Variants in CCSER1 observed in about 807,000 individuals in gnomAD.
CCSER1 encodes serine-rich coiled-coil domain-containing protein 1.
A neutral mutation model predicts 82.0 loss-of-function variants in CCSER1; 41 were observed. The ratio of observed to expected loss-of-function variants is 0.50; its 90% confidence interval spans 0.39 to 0.65. The LOEUF is 0.65. Among genes scored for constraint, CCSER1 ranks in the 30% least tolerant of loss-of-function variants. The pLI is 0.00. For missense variants in CCSER1, 1,119 were observed against 1,064.2 expected, an observed-to-expected ratio of 1.05 and a Z score of -0.72; for synonymous variants, 414 against 383.9, an observed-to-expected ratio of 1.08 and a Z score of -0.92.
At chr4:91,125,094 C>T (rs1226556773) in intron 10 of CCSER1, among the ~76,000 whole-genome samples, 1 of 151,618 alleles carries the variant, frequency 6.6e-6, no homozygotes, top group Non-Finnish European at 1.5e-5. Context: ...AAAACTATTA[C>T]ATGGGATTAA....
chr4:90,260,196 GT>G (rs1239198466), intron 1 of CCSER1, among the ~76,000 whole-genome samples: 2 of 152,112 alleles, frequency 1.3e-5, no homozygotes, highest in African/African-American at 4.8e-5. Flanking sequence ...ATCTAAGAGG[GT>G]TGTATATTTC....
At chr4:91,304,342 G>C (rs1004803927) in intron 10 of CCSER1, among the ~76,000 whole-genome samples, 1 of 151,928 alleles carries the variant, frequency 6.6e-6, no homozygotes, top group Non-Finnish European at 1.5e-5. Context: ...GTAAATATTA[G>C]GTTTAATAAG....
intron 9 of CCSER1, among the ~76,000 whole-genome samples, chr4:91,084,447 A>C (rs1723152696): frequency 6.6e-6 from 1 of 152,150 alleles, no homozygotes; most frequent in South Asian, 2.1e-4. Flanking sequence ...GATGAAATTG[A>C]GAGATATTAT....
intron 1 of CCSER1, among the ~76,000 whole-genome samples, chr4:90,182,026 A>G (rs1288765516): frequency 1.3e-5 from 2 of 152,192 alleles, no homozygotes; most frequent in African/African-American, 4.8e-5. Context: ...GGCTGTGGGC[A>G]CAGTTAATTT....
chr4:90,181,630 A>T (rs1733747118), intron 1 of CCSER1, among the ~76,000 whole-genome samples: 1 of 152,180 alleles, frequency 6.6e-6, no homozygotes, highest in South Asian at 2.1e-4. Flanking sequence ...CCATGGTTCC[A>T]AGAGGCTCCT....
chr4:90,960,142 G>C lies in CCSER1; in HGVS notation c.2172+36695G>C, dbSNP rs78373917. On this transcript the variant is annotated intron_variant, in intron 9 of 10. Coordinates refer to ENST00000509176, the MANE Select transcript of CCSER1 (RefSeq NM_001145065.2). ...GATACCTGAAATCGTCTTTCACAGAGATAGCCTGTTCACATTGTTTTCATT... is the reference window on the plus strand; with the variant it reads ...GATACCTGAAATCGTCTTTCACAGACATAGCCTGTTCACATTGTTTTCATT... Among the ~76,000 whole-genome samples, 1,320 of 152,158 alleles carry C rather than the reference G, an allele frequency of 8.7e-3. 10 individuals carry two copies. The highest frequency in any genetic ancestry group is 0.03 in the African/African-American group (1,232 of 41,504).
At chr4:91,419,066 G>A (rs1188822552) in intron 10 of CCSER1, among the ~76,000 whole-genome samples, 1 of 151,778 alleles carries the variant, frequency 6.6e-6, no homozygotes, top group Non-Finnish European at 1.5e-5. Context: ...AACAAATTAG[G>A]TATAAAACAA....
chr4:91,256,322 T>C (rs1740679801), intron 10 of CCSER1, among the ~76,000 whole-genome samples: 1 of 152,206 alleles, frequency 6.6e-6, no homozygotes, highest in Non-Finnish European at 1.5e-5. Context: ...TGTTTATCAA[T>C]GACAATGCAT....
chr4:90,465,565 A>T (rs940734131), intron 4 of CCSER1, among the ~76,000 whole-genome samples: 3 of 151,828 alleles, frequency 2.0e-5, no homozygotes, highest in South Asian at 2.1e-4. Context: ...TCATTGGCAA[A>T]TTTTTTCCTT....
intron 8 of CCSER1, among the ~76,000 whole-genome samples, chr4:90,843,980 T>C (rs1488008930): frequency 2.0e-5 from 3 of 152,084 alleles, no homozygotes; most frequent in Admixed American, 6.6e-5. Flanking sequence ...ACTCAGCCAA[T>C]CTTTCAAGAT....
At chr4:91,512,645 C>T (rs1759889765) in intron 10 of CCSER1, among the ~76,000 whole-genome samples, 1 of 152,092 alleles carries the variant, frequency 6.6e-6, no homozygotes, top group Non-Finnish European at 1.5e-5. Context: ...TAGTTCTGTC[C>T]CTCTAGGGAA....
chr4:91,476,229 G>T (rs1286359027), intron 10 of CCSER1, among the ~76,000 whole-genome samples: 2 of 151,616 alleles, frequency 1.3e-5, no homozygotes, highest in Admixed American at 1.3e-4. Flanking sequence ...GTTTTCCATA[G>T]TTGCCATGCT....
chr4:90,497,515 A>T (rs1769218195), intron 5 of CCSER1, among the ~76,000 whole-genome samples: 1 of 152,202 alleles, frequency 6.6e-6, no homozygotes, highest in Non-Finnish European at 1.5e-5. Context: ...TAGCTACAGA[A>T]TTTTTATAGT....
At chr4:90,603,877 T>C (rs1304251731) in intron 5 of CCSER1, among the ~76,000 whole-genome samples, 1 of 152,152 alleles carries the variant, frequency 6.6e-6, no homozygotes, top group Non-Finnish European at 1.5e-5. Context: ...GGACACTGAC[T>C]CAGTGCCTTT....
At chr4:90,671,707 A>G (rs1732832237) in intron 6 of CCSER1, among the ~76,000 whole-genome samples, 1 of 152,062 alleles carries the variant, frequency 6.6e-6, no homozygotes, top group South Asian at 2.1e-4. Flanking sequence ...GGCATCTAAA[A>G]TGCTGAATCC....
chr4:90,371,265 CT>C (rs200824932), intron 3 of CCSER1, among the ~76,000 whole-genome samples: 2 of 151,550 alleles, frequency 1.3e-5, no homozygotes, highest in Admixed American at 6.6e-5. Context: ...GCTATTTTGT[CT>C]TTTTTTTAAA....
intron 9 of CCSER1, among the ~76,000 whole-genome samples, chr4:90,957,252 C>CCCG (rs1554050087): frequency 6.8e-6 from 1 of 147,558 alleles, no homozygotes; most frequent in African/African-American, 2.5e-5. Flanking sequence ...CAGGCCCCCC[C>CCCG]CACCACGTCC....
intron 10 of CCSER1, among the ~76,000 whole-genome samples, chr4:91,582,240 T>C (rs992310654): frequency 1.3e-5 from 2 of 151,536 alleles, no homozygotes; most frequent in Non-Finnish European, 3.0e-5. Flanking sequence ...CCACTTTCTA[T>C]AAGGAACAGG....
intron 9 of CCSER1, among the ~76,000 whole-genome samples, chr4:90,980,337 A>G (rs10031589): frequency 0.19 from 28,288 of 151,738 alleles, 2,908 homozygotes; most frequent in South Asian, 0.35. Context: ...ACAGAGCCCA[A>G]TGTGTCTGCA....
Sources: gnomAD v4.1 joint callset for allele counts (sites outside exome capture counted in the v4.1 genomes callset) on GRCh38, gnomAD v4.1.1 for gene constraint, MANE v1.5 for transcripts, NCBI Gene and HGNC (gene_info 2026-07-23, HGNC 2026-07-21) for gene names.